Variants in TANC2 observed in about 807,000 individuals in gnomAD.
TANC2 encodes the protein tetratricopeptide repeat, ankyrin repeat and coiled-coil containing 2.
A neutral mutation model predicts 210.5 loss-of-function variants in TANC2; 26 were observed. The ratio of observed to expected loss-of-function variants is 0.12; its 90% CI spans 0.09 to 0.17. The LOEUF is 0.17. TANC2 is among the 10% of genes least tolerant of loss of function. The pLI, the probability that TANC2 is intolerant of heterozygous loss-of-function variation, is 1.00. For missense variants in TANC2, 2,129 were observed against 2,608.9 expected (o/e 0.82, Z 4.01); for synonymous variants, 931 against 967.1 (o/e 0.96, Z 0.69).
At chr17:63,125,032 C>G (rs1463699757) in intron 4 of TANC2, 1 of 152,184 alleles carries the variant, frequency 6.6e-6, no homozygotes, top group African/African-American at 2.4e-5. Flanking sequence ...TTCTCTTTCT[C>G]CATTCAACAT....
intron 15 of TANC2, among the ~76,000 whole-genome samples, chr17:63,387,812 C>T (rs550380840): frequency 1.1e-4 from 16 of 152,276 alleles, no homozygotes; most frequent in African/African-American, 3.9e-4. Flanking sequence ...GGACCTGTGC[C>T]AGTGATACTA....
intron 15 of TANC2, chr17:63,381,620 A>G (rs188556191): frequency 1.3e-5 from 2 of 152,278 alleles, no homozygotes; most frequent in African/African-American, 2.4e-5. Context: ...CTCTGGTTTT[A>G]TATTCATAAA....
chr17:62,992,865 C>A (rs980710921), intron 1 of TANC2, among the ~76,000 whole-genome samples: 1 of 152,180 alleles, frequency 6.6e-6, no homozygotes, highest in Non-Finnish European at 1.5e-5. Context: ...TATTTTAATA[C>A]TTCTTACAGT....
intron 4 of TANC2, among the ~76,000 whole-genome samples, chr17:63,138,256 C>T (rs896714970): frequency 8.5e-5 from 13 of 152,052 alleles, no homozygotes; most frequent in Admixed American, 2.6e-4. Flanking sequence ...CTACTGAATA[C>T]GCATATTGAA....
intron 7 of TANC2, among the ~76,000 whole-genome samples, chr17:63,236,262 C>A (rs1245155466): frequency 6.6e-6 from 1 of 151,960 alleles, no homozygotes; most frequent in East Asian, 1.9e-4. Flanking sequence ...CACTAATAGA[C>A]CTGAGCTGTA....
At chr17:62,980,484 A>G (rs1157741586) in intron 1 of TANC2, among the ~76,000 whole-genome samples, 2 of 152,194 alleles carry the variant, frequency 1.3e-5, no homozygotes, top group African/African-American at 2.4e-5. Context: ...TGTGGTACAT[A>G]TATTCCAAAA....
chr17:63,345,008 A>C (rs974642304), intron 12 of TANC2, among the ~76,000 whole-genome samples: 3 of 152,202 alleles, frequency 2.0e-5, no homozygotes, highest in Non-Finnish European at 4.4e-5. Context: ...TGACTGTCCC[A>C]GTGCTCATTC....
intron 9 of TANC2, 33 bp downstream of exon 9, chr17:63,267,906 G>A (rs368258213): frequency 6.6e-5 from 104 of 1,570,164 alleles, no homozygotes; most frequent in Admixed American, 3.6e-5. Context: ...AAGGGTGCCC[G>A]GGAACAGATG....
chr17:63,339,073 A>G (rs1361255671), intron 11 of TANC2: 1 of 149,742 alleles, frequency 6.7e-6, no homozygotes, highest in Non-Finnish European at 1.5e-5. Flanking sequence ...CACAAAGCTA[A>G]GTAGCTGAAA....
Position 63,421,045 on chromosome 17 carries a change from A to T in TANC2, c.5315A>T (p.Gln1772Leu). ...AGCCTGAGTGCAGGCGCCATCTGTC[A>T]GCATGGAGGATTGACCAAAGAGGAT... Residue 1772 changes from glutamine to leucine, a missense_variant, in exon 28 of 28, where the codon CAG becomes CTG. Physicochemically the swap from Gln to Leu is moderately radical, Grantham distance 113 (BLOSUM62 -2). Coordinates refer to ENST00000689528, the Ensembl canonical transcript of TANC2. The surrounding 1 kb of genome is among the most constrained non-coding windows in gnomAD (Gnocchi z 6.9). 3 of 1,613,990 alleles carry T rather than the reference A, an allele frequency of 1.9e-6. No homozygotes were observed. The highest frequency in any genetic ancestry group is 2.5e-6 in the Non-Finnish European group (3 of 1,179,878).
At chr17:63,183,404 C>T (rs1192391549) in intron 5 of TANC2, among the ~76,000 whole-genome samples, 2 of 152,098 alleles carry the variant, frequency 1.3e-5, no homozygotes, top group African/African-American at 4.8e-5. Flanking sequence ...ATGCATTCGT[C>T]GTAATACATT....
chr17:63,255,059 T>TTTTA (rs141802789), intron 8 of TANC2, among the ~76,000 whole-genome samples: 3,806 of 144,558 alleles, frequency 0.026, 63 homozygotes, highest in Middle Eastern at 0.047. Context: ...AATAGTTATT[T>TTTTA]TTTATTTATT....
At chr17:63,363,404 T>C (rs1220753630) in intron 14 of TANC2, among the ~76,000 whole-genome samples, 3 of 152,228 alleles carry the variant, frequency 2.0e-5, no homozygotes, top group Admixed American at 2.0e-4. Flanking sequence ...TTGTCTGTGC[T>C]TTTGGGGTAT....
intron 11 of TANC2, among the ~76,000 whole-genome samples, chr17:63,331,253 A>G (rs2045830113): frequency 6.6e-6 from 1 of 152,242 alleles, no homozygotes; most frequent in African/African-American, 2.4e-5. Flanking sequence ...TTTTTGATAT[A>G]TAAATAACAT....
At chr17:63,278,167 T>TAAGGAG (rs1423147679) in intron 9 of TANC2, among the ~76,000 whole-genome samples, 1 of 151,978 alleles carries the variant, frequency 6.6e-6, no homozygotes, top group African/African-American at 2.4e-5. Context: ...AGGAGAAGGA[T>TAAGGAG]AAGGAGAAGC....
chr17:62,989,833 G>A (rs1052273869), intron 1 of TANC2, among the ~76,000 whole-genome samples: 8 of 145,712 alleles, frequency 5.5e-5, no homozygotes, highest in Admixed American at 2.1e-4. Context: ...GTGCAGTGGC[G>A]CAATCTTGGC....
intron 5 of TANC2, among the ~76,000 whole-genome samples, chr17:63,160,344 A>G (rs2039984302): frequency 6.6e-6 from 1 of 152,206 alleles, no homozygotes; most frequent in Admixed American, 6.5e-5. Context: ...GTTCAAGGCT[A>G]GTCTTGGCAA....
chr17:63,209,154 C>A (rs780300360), intron 7 of TANC2, among the ~76,000 whole-genome samples: 2 of 151,886 alleles, frequency 1.3e-5, no homozygotes, highest in East Asian at 3.9e-4. Flanking sequence ...GGACTACAGG[C>A]GCATGCCACC....
At chr17:63,160,866 CAG>C (rs2040002287) in intron 5 of TANC2, among the ~76,000 whole-genome samples, 1 of 152,272 alleles carries the variant, frequency 6.6e-6, no homozygotes, top group South Asian at 2.1e-4. Flanking sequence ...ACATGTCCTT[CAG>C]AAGCCTTTTG....
Sources: gnomAD v4.1 joint callset for allele counts (sites outside exome capture counted in the v4.1 genomes callset) on GRCh38, gnomAD v4.1.1 for gene constraint, Gnocchi (gnomAD v3.1) non-coding constraint, MANE v1.5 for transcripts, NCBI Gene and HGNC (gene_info 2026-07-23, HGNC 2026-07-21) for gene names.